ADGRL2: variants seen among roughly 807,000 people sequenced by gnomAD.
ADGRL2 encodes the protein adhesion G protein-coupled receptor L2.
Under a neutral mutation model 157.4 loss-of-function variants are expected in ADGRL2, and 44 were observed. The ratio of observed to expected loss-of-function variants is 0.28; its 90% CI spans 0.22 to 0.36. The LOEUF (loss-of-function observed/expected upper bound fraction) is 0.36. Ranked by LOEUF, ADGRL2 falls within the 10% of genes least tolerant of loss-of-function variation. The pLI is 1.00. For synonymous variants in ADGRL2, 585 were observed against 624.7 expected (o/e 0.94, Z 0.95); for missense variants, 1,510 against 1,768.9 (o/e 0.85, Z 2.63).
intron 1 of ADGRL2, among the ~76,000 whole-genome samples, chr1:81,437,667 A>G (rs2077433688): frequency 6.6e-6 from 1 of 152,224 alleles, no homozygotes; most frequent in South Asian, 2.1e-4. Context: ...GACAGCCAGA[A>G]AAATATTATG....
chr1:81,458,133 G>C (rs893786758), intron 2 of ADGRL2, among the ~76,000 whole-genome samples: 1 of 152,182 alleles, frequency 6.6e-6, no homozygotes, highest in African/African-American at 2.4e-5. Flanking sequence ...AAACTCAGTA[G>C]TTATACCACA....
At position 81,405,732 on chromosome 1, in the gene ADGRL2, CTCT is replaced by C. The variant is rs146413466; in HGVS notation, c.-301-39302_-301-39300del. On this transcript the variant is annotated intron_variant, in intron 1 of 24. Coordinates refer to the ADGRL2 transcript ENST00000370721. Reference sequence around the variant, plus strand: ...ATAATAGGGATTATTTTCATAAGGCCTCTTATTTTCCAACAAGTTTAAAATCAG... The same window carrying C: ...ATAATAGGGATTATTTTCATAAGGCCTATTTTCCAACAAGTTTAAAATCAG... Among the ~76,000 whole-genome samples the C allele has an allele frequency of 8.9e-3, 1,360 of 152,014 alleles. 18 individuals are homozygous for C. Among genetic ancestry groups the C allele is most frequent in the African/African-American group, 0.03 (1,239 of 41,454 alleles).
At chr1:81,906,875 C>T in intron 2 of ADGRL2, 142 bp from the exon 3 acceptor site, 1 of 668,868 alleles carries the variant, frequency 1.5e-6, no homozygotes, top group South Asian at 2.2e-5. Context: ...TTGTAGAGAA[C>T]CAAAAAATTA....
At chr1:81,450,193 A>G (rs1346233362) in intron 2 of ADGRL2, among the ~76,000 whole-genome samples, 2 of 152,168 alleles carry the variant, frequency 1.3e-5, no homozygotes, top group African/African-American at 4.8e-5. Context: ...TCTGAGGAAG[A>G]AATGAGATCA....
At chr1:81,631,973 TTTTTCTCCTGCCCATCAAATATTTATTA>T in intron 3 of ADGRL2, among the ~76,000 whole-genome samples, 1 of 152,164 alleles carries the variant, frequency 6.6e-6, no homozygotes, top group South Asian at 2.1e-4. Context: ...TATCATGGCA[TTTTTCTCCTGCCCATCAAATATTTATTA>T]TATAGCATTC....
At chr1:81,658,229 G>A (rs2082576854) in intron 3 of ADGRL2, among the ~76,000 whole-genome samples, 1 of 152,078 alleles carries the variant, frequency 6.6e-6, no homozygotes, top group African/African-American at 2.4e-5. Context: ...CTGAGTAGCT[G>A]GGATTATAGG....
intron 1 of ADGRL2, among the ~76,000 whole-genome samples, chr1:81,750,589 G>T (rs916728779): frequency 6.6e-6 from 1 of 152,218 alleles, no homozygotes; most frequent in Middle Eastern, 3.4e-3. Flanking sequence ...ATGAGGGCAG[G>T]TGCCTGTAGT....
chr1:81,546,327 CTTTTTTG>C (rs2080018036), intron 2 of ADGRL2, among the ~76,000 whole-genome samples: 3 of 152,092 alleles, frequency 2.0e-5, no homozygotes, highest in Admixed American at 2.0e-4. Context: ...CTCCTTTTTT[CTTTTTTG>C]AATACTCATT....
At chr1:81,626,122 C>T (rs530593280) in intron 3 of ADGRL2, among the ~76,000 whole-genome samples, 1 of 152,272 alleles carries the variant, frequency 6.6e-6, no homozygotes, top group East Asian at 1.9e-4. Flanking sequence ...CACTCTGTCA[C>T]AAAGCCCGAT....
intron 3 of ADGRL2, among the ~76,000 whole-genome samples, chr1:81,641,686 C>T (rs1329325843): frequency 6.6e-6 from 1 of 151,992 alleles, no homozygotes; most frequent in African/African-American, 2.4e-5. Flanking sequence ...AAGTAGTGCT[C>T]AGAGGGAAAT....
intron 1 of ADGRL2, among the ~76,000 whole-genome samples, chr1:81,432,053 A>T (rs1291843972): frequency 6.6e-6 from 1 of 152,238 alleles, no homozygotes; most frequent in Non-Finnish European, 1.5e-5. Context: ...TTCTTCAACA[A>T]ATAATTTAGT....
intron 1 of ADGRL2, among the ~76,000 whole-genome samples, chr1:81,390,548 A>AACATG (rs1396722230): frequency 2.8e-3 from 421 of 149,832 alleles, no homozygotes; most frequent in Non-Finnish European, 4.0e-3. Context: ...CATGATAGAT[A>AACATG]ATAATGTGAA....
intron 1 of ADGRL2, among the ~76,000 whole-genome samples, chr1:81,376,839 C>T (rs1309465565): frequency 6.6e-6 from 1 of 152,104 alleles, no homozygotes; most frequent in Non-Finnish European, 1.5e-5. Flanking sequence ...TTTGCCAACA[C>T]TAACAGCAGA....
intron 1 of ADGRL2, among the ~76,000 whole-genome samples, chr1:81,413,573 T>A (rs1482970361): frequency 2.0e-5 from 3 of 152,168 alleles, no homozygotes; most frequent in Non-Finnish European, 4.4e-5. Context: ...AGATGTGAGG[T>A]TGTTTACAAG....
chr1:81,538,755 AG>A (rs1375411712), intron 2 of ADGRL2, among the ~76,000 whole-genome samples: 1 of 152,206 alleles, frequency 6.6e-6, no homozygotes, highest in Non-Finnish European at 1.5e-5. Flanking sequence ...CTATAAGCCC[AG>A]CACTTTGGGA....
chr1:81,964,937 C>T (rs1056529013), intron 11 of ADGRL2, among the ~76,000 whole-genome samples: 1 of 151,988 alleles, frequency 6.6e-6, no homozygotes, highest in African/African-American at 2.4e-5. Context: ...AGGCAATGTA[C>T]TTTTCCATTC....
intron 3 of ADGRL2, among the ~76,000 whole-genome samples, chr1:81,617,972 C>A (rs2081699483): frequency 1.3e-5 from 2 of 152,244 alleles, no homozygotes; most frequent in South Asian, 4.1e-4. Flanking sequence ...TGGCTATAGA[C>A]CTTCCACTTG....
intron 2 of ADGRL2, among the ~76,000 whole-genome samples, chr1:81,891,546 CT>C (rs1480535527): frequency 6.6e-6 from 1 of 151,978 alleles, no homozygotes; most frequent in Non-Finnish European, 1.5e-5. Context: ...TTTTTGATGC[CT>C]TTTTGTCCTT....
chr1:81,413,847 C>T (rs2076990350), intron 1 of ADGRL2, among the ~76,000 whole-genome samples: 1 of 152,114 alleles, frequency 6.6e-6, no homozygotes, highest in African/African-American at 2.4e-5. Context: ...TATATATTTA[C>T]CCTCTGACAC....
Sources: allele counts gnomAD v4.1 joint callset (sites outside exome capture counted in the v4.1 genomes callset), GRCh38; gene constraint gnomAD v4.1.1; transcripts MANE v1.5; gene names NCBI Gene and HGNC (gene_info 2026-07-23, HGNC 2026-07-21).